The following CLXN variants were observed in gnomAD, a reference collection of about 807,000 sequenced individuals.
CLXN encodes EF-hand calcium binding domain 1.
the CLXN span, among the ~76,000 whole-genome samples, chr8:48,728,666 G>A: frequency 2.0e-3 from 301 of 152,266 alleles, 2 homozygotes; most frequent in African/African-American, 6.9e-3. Context: ...TGTTTACAAC[G>A]TTGCCTGGCA....
At chr8:48,726,112 C>CCCCA in the CLXN span, among the ~76,000 whole-genome samples, 1 of 111,490 alleles carries the variant, frequency 9.0e-6, no homozygotes, top group African/African-American at 3.3e-5. Context: ...TACCCACCCA[C>CCCCA]TCCATCCATC....
chr8:48,732,060 A>T, the CLXN span, among the ~76,000 whole-genome samples: 1 of 152,174 alleles, frequency 6.6e-6, no homozygotes, highest in African/African-American at 2.4e-5. Flanking sequence ...TTACGTAAAA[A>T]TTAACATGCA....
the CLXN span, chr8:48,724,880 G>A: frequency 2.5e-6 from 3 of 1,189,160 alleles, no homozygotes; most frequent in South Asian, 1.4e-5. Context: ...TGTCTCCTTA[G>A]TGTAGAGACA....
chr8:48,729,385 T>C, the CLXN span, among the ~76,000 whole-genome samples: 1 of 151,632 alleles, frequency 6.6e-6, no homozygotes, highest in Non-Finnish European at 1.5e-5. Context: ...TAGCTGGGCA[T>C]GGTGGTATGC....
chr8:48,729,178 G>A, the CLXN span: 5 of 1,523,652 alleles, frequency 3.3e-6, no homozygotes, highest in African/African-American at 4.2e-5. Context: ...TAGGCAACAC[G>A]TAAAATGATT....
At chr8:48,718,121 G>C in the CLXN span, among the ~76,000 whole-genome samples, 2 of 152,068 alleles carry the variant, frequency 1.3e-5, no homozygotes, top group African/African-American at 4.8e-5. Context: ...CATATAGGAG[G>C]AAAGTTAAAG....
At chr8:48,724,521 G>T in the CLXN span, 215 of 389,518 alleles carry the variant, frequency 5.5e-4, 2 homozygotes, top group East Asian at 7.7e-3. Flanking sequence ...CTGTAGAAAA[G>T]TTAACTGTCT....
At chr8:48,711,934 A>G in the CLXN span, 1 of 152,240 alleles carries the variant, frequency 6.6e-6, no homozygotes, top group Non-Finnish European at 1.5e-5. Flanking sequence ...CAATGCATGT[A>G]AAATGCTTAG....
At chr8:48,731,272 G>C in the CLXN span, 25 of 1,418,678 alleles carry the variant, frequency 1.8e-5, no homozygotes, top group Non-Finnish European at 2.2e-5. Context: ...CCTACCAAGA[G>C]GATGTCCAAG....
the CLXN span, among the ~76,000 whole-genome samples, chr8:48,713,276 T>G: frequency 3.3e-5 from 5 of 152,232 alleles, no homozygotes; most frequent in African/African-American, 7.2e-5. Flanking sequence ...ATATATGGGT[T>G]AAATTTCTAT....
At chr8:48,713,104 C>T in the CLXN span, among the ~76,000 whole-genome samples, 2 of 152,056 alleles carry the variant, frequency 1.3e-5, no homozygotes, top group Non-Finnish European at 2.9e-5. Flanking sequence ...AGGGCTTGTC[C>T]CTCAATGGCA....
the CLXN span, among the ~76,000 whole-genome samples, chr8:48,721,840 C>T: frequency 6.6e-6 from 1 of 152,178 alleles, no homozygotes; most frequent in Non-Finnish European, 1.5e-5. Flanking sequence ...CAGCTGTAAA[C>T]CTATTAGAAG....
At chr8:48,732,363 A>C in the CLXN span, among the ~76,000 whole-genome samples, 1 of 152,216 alleles carries the variant, frequency 6.6e-6, no homozygotes, top group African/African-American at 2.4e-5. Context: ...TGTGTGTATA[A>C]CAGAAGACAG....
the CLXN span, among the ~76,000 whole-genome samples, chr8:48,728,350 A>G: frequency 6.6e-6 from 1 of 152,020 alleles, no homozygotes; most frequent in African/African-American, 2.4e-5. Flanking sequence ...ATTTTTCCCC[A>G]TCTGACCTGG....
the CLXN span, among the ~76,000 whole-genome samples, chr8:48,733,087 A>G: frequency 6.6e-6 from 1 of 152,138 alleles, no homozygotes; most frequent in Non-Finnish European, 1.5e-5. Flanking sequence ...AAATGGTTAA[A>G]ATAGTAAATT....
the CLXN span, among the ~76,000 whole-genome samples, chr8:48,732,380 G>A: frequency 6.6e-6 from 1 of 152,110 alleles, no homozygotes; most frequent in Non-Finnish European, 1.5e-5. Context: ...ACAGCATCTA[G>A]GAATGGAAAA....
the CLXN span, chr8:48,730,407 T>C: frequency 3.4e-5 from 18 of 527,772 alleles, 1 homozygote; most frequent in African/African-American, 3.1e-4. Context: ...ATAAAATAGG[T>C]TAGTGGGATT....
At chr8:48,731,638 T>C in the CLXN span, 21 of 669,586 alleles carry the variant, frequency 3.1e-5, 1 homozygote, top group Middle Eastern at 8.2e-4. Flanking sequence ...CTCTCCTGTT[T>C]TGAGATTCAT....
the CLXN span, among the ~76,000 whole-genome samples, chr8:48,720,087 C>T: frequency 6.6e-6 from 1 of 152,150 alleles, no homozygotes; most frequent in African/African-American, 2.4e-5. Flanking sequence ...ATCTCTTAAT[C>T]CTGTTATCTT....
Sources: gnomAD v4.1 joint callset for allele counts (sites outside exome capture counted in the v4.1 genomes callset) on GRCh38, gnomAD v4.1.1 for gene constraint, MANE v1.5 for transcripts, NCBI Gene and HGNC (gene_info 2026-07-23, HGNC 2026-07-21) for gene names.